Variants in ESPNL observed in about 807,000 individuals in gnomAD.
ESPNL encodes the protein espin like, also known as espin-like protein.
Under a neutral mutation model 46.8 loss-of-function variants are expected in ESPNL, and 49 were observed. The ratio of observed to expected loss-of-function variants is 1.05; its 90% CI spans 0.83 to 1.33. The LOEUF (loss-of-function observed/expected upper bound fraction) is 1.33. Among genes scored for constraint, ESPNL ranks in the 40% most tolerant of loss-of-function variants. ESPNL has a pLI of 0.00. For missense variants in ESPNL, 1,540 were observed against 1,436.6 expected (o/e 1.07, Z -1.16); for synonymous variants, 664 against 662.1 (o/e 1.00, Z -0.04).
intron 6 of ESPNL, chr2:238,127,392 G>T: frequency 3.0e-6 from 4 of 1,313,116 alleles, no homozygotes; most frequent in Non-Finnish European, 2.9e-6. Flanking sequence ...GTGGCCCAGC[G>T]GTGTGCCGCA....
intron 3 of ESPNL, among the ~76,000 whole-genome samples, chr2:238,106,039 C>T (rs1414529309): frequency 2.0e-5 from 3 of 152,184 alleles, no homozygotes; most frequent in Non-Finnish European, 2.9e-5. Flanking sequence ...CCGCCTGCCC[C>T]GACCATCCTC....
At chr2:238,124,817 G>A (rs1692068571) in intron 5 of ESPNL, among the ~76,000 whole-genome samples, 1 of 150,840 alleles carries the variant, frequency 6.6e-6, no homozygotes, top group South Asian at 2.1e-4. Context: ...GAGTGTACGT[G>A]CATGTGTGCA....
chr2:238,102,918 A>G (rs1574725702), intron 2 of ESPNL, among the ~76,000 whole-genome samples: 2 of 151,978 alleles, frequency 1.3e-5, no homozygotes, highest in Non-Finnish European at 2.9e-5. Context: ...TCAGTCCCCC[A>G]CACCCCCTTA....
intron 5 of ESPNL, among the ~76,000 whole-genome samples, chr2:238,124,944 A>G (rs1210996634): frequency 1.3e-5 from 2 of 152,170 alleles, no homozygotes; most frequent in Non-Finnish European, 1.5e-5. Flanking sequence ...GCCCTAACCC[A>G]GTACCCGGAG....
At chr2:238,125,429 GAGAGGGTGCCAC>G in intron 6 of ESPNL, 45 bp downstream of exon 6, 1 of 1,230,980 alleles carries the variant, frequency 8.1e-7, no homozygotes, top group Non-Finnish European at 1.1e-6. Flanking sequence ...ATGGGCCTGG[GAGAGGGTGCCAC>G]TGGCCTCCCC....
At position 238,114,310 on chromosome 2, in the gene ESPNL, C is replaced by T. The variant is rs573019576; in HGVS notation, c.856-2593C>T. Among the ~76,000 whole-genome samples the T allele has an allele frequency of 1.1e-3, 173 of 152,224 alleles. No homozygotes were observed. Among genetic ancestry groups the T allele is most frequent in the African/African-American group, 3.2e-3 (133 of 41,534 alleles). On this transcript the variant is annotated intron_variant, in intron 4 of 8. Coordinates refer to ENST00000343063, the MANE Select transcript of ESPNL (RefSeq NM_194312.4). This position sits in a 1 kb window ranked among gnomAD's most constrained non-coding sequence, Gnocchi z 5.0. Reference sequence around the variant, plus strand: ...TTGGGGCCAGGTCTGACACTTGTCCCCCTTCCTCTGCCGTGACACCCCTCA... The same window carrying T: ...TTGGGGCCAGGTCTGACACTTGTCCTCCTTCCTCTGCCGTGACACCCCTCA...
At chr2:238,101,819 G>A in intron 1 of ESPNL, 122 bp from the exon 2 acceptor site, 1 of 677,922 alleles carries the variant, frequency 1.5e-6, no homozygotes, top group Non-Finnish European at 2.5e-6. Flanking sequence ...AAGGAGGAAG[G>A]AGCTGGAAGC....
At chr2:238,101,307 G>A (rs756351667) in intron 1 of ESPNL, among the ~76,000 whole-genome samples, 11 of 152,182 alleles carry the variant, frequency 7.2e-5, no homozygotes, top group Non-Finnish European at 1.5e-4. Context: ...GTTGAGGTGG[G>A]GGCCGGTGGG....
In ESPNL at chr2:238,132,111, G is replaced by A. The variant is rs76230457; in HGVS notation, c.*379G>A. On this transcript the variant is annotated 3_prime_UTR_variant, in exon 9 of 9. Coordinates refer to ENST00000343063, the MANE Select transcript of ESPNL (RefSeq NM_194312.4). ...CAGTTTCTGTGGTGCTGGTGGCCTCGGCCACATCCATCTTTCATGTGAGTC... is the reference window on the plus strand; with the variant it reads ...CAGTTTCTGTGGTGCTGGTGGCCTCAGCCACATCCATCTTTCATGTGAGTC... The A allele has an allele frequency of 0.023, 4,360 of 190,980 alleles. 202 individuals carry two copies. The highest frequency in any genetic ancestry group is 0.096 in the African/African-American group (4,090 of 42,402). 11.8% of individuals were successfully genotyped at this position (190,980 alleles called of 1,614,324 possible). A position where few individuals can be genotyped will look rare whatever the true frequency, so the allele number is the denominator to read the frequency against.
At chr2:238,111,791 G>C (rs919670086) in intron 4 of ESPNL, among the ~76,000 whole-genome samples, 1 of 152,132 alleles carries the variant, frequency 6.6e-6, no homozygotes, top group Non-Finnish European at 1.5e-5. Flanking sequence ...TTTTGGATAT[G>C]TATACCCAGC....
chr2:238,106,203 C>T (rs1283239261), intron 3 of ESPNL, among the ~76,000 whole-genome samples: 1 of 152,232 alleles, frequency 6.6e-6, no homozygotes. Context: ...GCACCTGGCA[C>T]GCAGTCAGGC....
chr2:238,107,291 C>T (rs898450127), intron 3 of ESPNL, among the ~76,000 whole-genome samples: 1 of 152,198 alleles, frequency 6.6e-6, no homozygotes, highest in African/African-American at 2.4e-5. Flanking sequence ...GCGGTGGTGG[C>T]CGGCAGGTCA....
chr2:238,113,455 T>G (rs1406547251), intron 4 of ESPNL, among the ~76,000 whole-genome samples: 1 of 152,246 alleles, frequency 6.6e-6, no homozygotes, highest in African/African-American at 2.4e-5. Context: ...TTGTTTTTTG[T>G]CTGTTAGTTC....
chr2:238,108,387 C>T (rs1169686048), intron 4 of ESPNL, among the ~76,000 whole-genome samples: 2 of 149,746 alleles, frequency 1.3e-5, no homozygotes, highest in Non-Finnish European at 3.0e-5. Flanking sequence ...CTCAAGGACA[C>T]GACATCCAAA....
intron 4 of ESPNL, among the ~76,000 whole-genome samples, chr2:238,113,355 A>C (rs185903323): frequency 5.2e-4 from 79 of 152,204 alleles, no homozygotes; most frequent in African/African-American, 1.7e-3. Context: ...TATAATTACT[A>C]ATGTTTAGGG....
rs761012826 is a variant in ESPNL, at chr2:238,100,389, A to G, written c.-31A>G. The G allele has an allele frequency of 1.9e-6, 3 of 1,557,420 alleles. No homozygotes were observed. The East Asian group carries it at 7.2e-5, about 38-fold the overall frequency. ...TGAAACAGGAAGCCCCAGCCTGTGC[A>G]TGAGTCGCCACTGAGAGCCCGGGCC... On this transcript the variant is annotated 5_prime_UTR_variant, in exon 1 of 9. It removes an upstream start codon present in the reference 5' UTR. Coordinates refer to ENST00000343063, the MANE Select transcript of ESPNL (RefSeq NM_194312.4).
chr2:238,108,045 C>T, intron 4 of ESPNL, 72 bp downstream of exon 4: 1 of 1,392,484 alleles, frequency 7.2e-7, no homozygotes, highest in East Asian at 2.4e-5. Context: ...TGTCACTGAC[C>T]CTCACAGCAA....
At chr2:238,100,953 C>T (rs918845939) in intron 1 of ESPNL, among the ~76,000 whole-genome samples, 1 of 152,222 alleles carries the variant, frequency 6.6e-6, no homozygotes, top group Non-Finnish European at 1.5e-5. Flanking sequence ...GGAAGCTGGG[C>T]GTTGCCAGTG....
rs190347409 is a variant in ESPNL, at chr2:238,131,579, C to G, written c.2865C>G (p.Ala955=). ...LTLLGPLPHA[A]VPCSGPEPTA... ...TGCTCGGGCCCCTGCCTCACGCCGC[C>G]GTCCCCTGCAGCGGCCCTGAGCCCA... is the stretch of plus-strand genomic sequence containing the variant. The change falls in exon 9 of 9, where the codon GCC becomes GCG. Residue 955 remains alanine, a synonymous_variant. Transcript: ENST00000343063. 47 of 1,611,444 alleles carry G rather than the reference C, an allele frequency of 2.9e-5. No homozygotes were observed. The Admixed American group carries it at 5.5e-4, about 19-fold the overall frequency.
Sources: allele counts gnomAD v4.1 joint callset (sites outside exome capture counted in the v4.1 genomes callset), GRCh38; gene constraint gnomAD v4.1.1; non-coding constraint Gnocchi (gnomAD v3.1); transcripts MANE v1.5; gene names NCBI Gene and HGNC (gene_info 2026-07-23, HGNC 2026-07-21).